Variants in LINC00305 observed in about 807,000 individuals in gnomAD.
The protein encoded by LINC00305 is long independently transcribed non-coding RNA 305.
intron 1 of LINC00305, among the ~76,000 whole-genome samples, chr18:64,131,800 G>A (rs1477509982): frequency 1.3e-5 from 2 of 152,188 alleles, no homozygotes; most frequent in African/African-American, 4.8e-5. Flanking sequence ...TCCTGTAGGT[G>A]GTTGAATTGT....
intron 3 of LINC00305, among the ~76,000 whole-genome samples, chr18:64,085,456 G>A (rs1599203614): frequency 1.3e-5 from 2 of 148,420 alleles, no homozygotes. Flanking sequence ...TAATCTCTAT[G>A]TATTTGTCAC....
At chr18:64,108,117 G>C (rs2051299068) in intron 1 of LINC00305, among the ~76,000 whole-genome samples, 1 of 152,158 alleles carries the variant, frequency 6.6e-6, no homozygotes, top group African/African-American at 2.4e-5. Context: ...CAGGTTGAGA[G>C]ACCACTGGCC....
intron 1 of LINC00305, among the ~76,000 whole-genome samples, chr18:64,141,658 A>G (rs116007027): frequency 0.034 from 5,208 of 152,270 alleles, 287 homozygotes; most frequent in African/African-American, 0.12. Context: ...GTCATAAACT[A>G]TAAGTTATTA....
At chr18:64,106,372 T>G (rs958833333) in intron 1 of LINC00305, among the ~76,000 whole-genome samples, 1 of 152,096 alleles carries the variant, frequency 6.6e-6, no homozygotes, top group Non-Finnish European at 1.5e-5. Flanking sequence ...ATGACGTCTT[T>G]ACTCCACACC....
intron 3 of LINC00305, among the ~76,000 whole-genome samples, chr18:64,097,574 T>G (rs1002310197): frequency 1.6e-4 from 25 of 151,802 alleles, no homozygotes; most frequent in Non-Finnish European, 3.5e-4. Flanking sequence ...TTAAGACTTA[T>G]GAAAGTTTTT....
chr18:64,129,732 T>C (rs1014439068), intron 1 of LINC00305, among the ~76,000 whole-genome samples: 4 of 152,154 alleles, frequency 2.6e-5, no homozygotes, highest in Non-Finnish European at 4.4e-5. Context: ...TTTTGCCTTA[T>C]GTGATATTTA....
intron 1 of LINC00305, among the ~76,000 whole-genome samples, chr18:64,110,537 A>G (rs1171981486): frequency 6.6e-6 from 1 of 152,182 alleles, no homozygotes; most frequent in Non-Finnish European, 1.5e-5. Context: ...GGGGGTATAA[A>G]TGGGACATTT....
chr18:64,122,722 A>T (rs776713015), intron 1 of LINC00305, among the ~76,000 whole-genome samples: 2 of 152,062 alleles, frequency 1.3e-5, no homozygotes, highest in Non-Finnish European at 2.9e-5. Context: ...TCTGTGAAAA[A>T]TGATGTTGGT....
At chr18:64,135,172 G>C (rs2051427058) in intron 1 of LINC00305, among the ~76,000 whole-genome samples, 1 of 151,996 alleles carries the variant, frequency 6.6e-6, no homozygotes, top group African/African-American at 2.4e-5. Context: ...CTGTGTCTTT[G>C]TCCAAATTAC....
chr18:64,142,862 G>T (rs2051470911), intron 1 of LINC00305, among the ~76,000 whole-genome samples: 1 of 152,124 alleles, frequency 6.6e-6, no homozygotes, highest in South Asian at 2.1e-4. Context: ...GCATGCCATA[G>T]AATAACGCCA....
chr18:64,097,799 A>G (rs746414189), intron 3 of LINC00305: 25 of 447,972 alleles, frequency 5.6e-5, no homozygotes, highest in Non-Finnish European at 1.0e-4. Flanking sequence ...ATAATAACTT[A>G]AAAAACTTTT....
chr18:64,091,459 CAGG>C (rs1454337737), intron 3 of LINC00305, among the ~76,000 whole-genome samples: 1 of 152,154 alleles, frequency 6.6e-6, no homozygotes, highest in Non-Finnish European at 1.5e-5. Flanking sequence ...TTTAAAATTT[CAGG>C]AGGAGTACAG....
At chr18:64,133,976 T>C (rs540501107) in intron 1 of LINC00305, among the ~76,000 whole-genome samples, 5 of 152,330 alleles carry the variant, frequency 3.3e-5, no homozygotes, top group Admixed American at 1.3e-4. Context: ...ACATTTATTA[T>C]AGTGTTTTTT....
chr18:64,097,798 T>TA (rs1256547140), intron 3 of LINC00305: 6 of 448,044 alleles, frequency 1.3e-5, no homozygotes, highest in Middle Eastern at 3.3e-4. Context: ...TATAATAACT[T>TA]AAAAAACTTT....
chr18:64,128,173 A>G (rs1198563363), intron 1 of LINC00305, among the ~76,000 whole-genome samples: 1 of 152,152 alleles, frequency 6.6e-6, no homozygotes, highest in East Asian at 1.9e-4. Context: ...CATTCAATGT[A>G]GCTTGACTTT....
At position 64,112,630 on chromosome 18, in the gene LINC00305, T is replaced by C. The variant is rs9636041; in HGVS notation, n.315-13990A>G. 6.6e-4 allele frequency among the ~76,000 whole-genome samples: 101 copies of C among 152,352 alleles called. 1 individual carries two copies. In the East Asian group the frequency reaches 0.016, roughly 24 times the overall value. On this transcript the variant is annotated intron_variant and non_coding_transcript_variant, in intron 1 of 3. Coordinates refer to ENST00000666468, the Ensembl canonical transcript of LINC00305. Reference sequence around the variant, plus strand: ...CGGATTGGCCAGCATTTTATCAGACTGGCTATTAATTCTTTCATTTCCCCT... The same window carrying C: ...CGGATTGGCCAGCATTTTATCAGACCGGCTATTAATTCTTTCATTTCCCCT...
intron 1 of LINC00305, among the ~76,000 whole-genome samples, chr18:64,101,229 C>T (rs780021209): frequency 1.4e-4 from 21 of 152,222 alleles, no homozygotes; most frequent in Middle Eastern, 3.4e-3. Context: ...ATCATTAACT[C>T]GGCATCGAGG....
chr18:64,137,837 T>TACAC (rs1163500610), intron 1 of LINC00305, among the ~76,000 whole-genome samples: 3 of 140,022 alleles, frequency 2.1e-5, no homozygotes, highest in African/African-American at 5.0e-5. Context: ...TTAAATAATA[T>TACAC]ACACACACAT....
At chr18:64,146,691 A>C (rs1162500515) in intron 1 of LINC00305, among the ~76,000 whole-genome samples, 1 of 152,220 alleles carries the variant, frequency 6.6e-6, no homozygotes, top group Non-Finnish European at 1.5e-5. Context: ...ATTGGAAAGC[A>C]TTAAGATGCC....
Sources: allele counts gnomAD v4.1 joint callset (sites outside exome capture counted in the v4.1 genomes callset), GRCh38; gene constraint gnomAD v4.1.1; transcripts MANE v1.5; gene names NCBI Gene and HGNC (gene_info 2026-07-23, HGNC 2026-07-21).